The following ITFG1 variants were observed in gnomAD, a reference collection of about 807,000 sequenced individuals.
The protein encoded by ITFG1 is integrin alpha FG-GAP repeat containing 1, also known as T-cell immunomodulatory protein.
Under a neutral mutation model 81.8 loss-of-function variants are expected in ITFG1, and 34 were observed. The ratio of observed to expected loss-of-function variants is 0.42; its 90% CI spans 0.32 to 0.55. ITFG1 has a LOEUF of 0.55. ITFG1 is among the 20% of genes least tolerant of loss of function. ITFG1 has a pLI of 0.17. For synonymous variants in ITFG1, 285 were observed against 270.6 expected (o/e 1.05, Z -0.52); for missense variants, 672 against 755.4 (o/e 0.89, Z 1.29).
intron 8 of ITFG1, among the ~76,000 whole-genome samples, chr16:47,335,123 G>A (rs1179710054): frequency 6.6e-6 from 1 of 152,158 alleles, no homozygotes; most frequent in Non-Finnish European, 1.5e-5. Flanking sequence ...TTGGGAGGCC[G>A]AGGAGGGTGG....
intron 5 of ITFG1, among the ~76,000 whole-genome samples, chr16:47,447,170 T>C (rs1969334920): frequency 6.6e-6 from 1 of 152,182 alleles, no homozygotes; most frequent in Non-Finnish European, 1.5e-5. Context: ...CCCTAGCCTA[T>C]ACTAGTTTTA....
intron 10 of ITFG1, among the ~76,000 whole-genome samples, chr16:47,266,286 C>T (rs1310367630): frequency 4.6e-5 from 7 of 152,130 alleles, no homozygotes; most frequent in Non-Finnish European, 5.9e-5. Context: ...GGCACAATCT[C>T]GGCTCACTGC....
intron 14 of ITFG1, among the ~76,000 whole-genome samples, chr16:47,212,105 C>T (rs1965570341): frequency 6.6e-6 from 1 of 151,886 alleles, no homozygotes; most frequent in African/African-American, 2.4e-5. Context: ...GACTATCTGT[C>T]TACAGGGATT....
intron 5 of ITFG1, chr16:47,448,402 G>A (rs1969347790): frequency 6.6e-6 from 1 of 152,050 alleles, no homozygotes; most frequent in Non-Finnish European, 1.5e-5. Context: ...TGATAATGGA[G>A]GGGCAAAATC....
At chr16:47,341,256 A>AAAATAAATAAAT (rs111605574) in intron 8 of ITFG1, among the ~76,000 whole-genome samples, 23 of 150,712 alleles carry the variant, frequency 1.5e-4, no homozygotes, top group African/African-American at 4.9e-4. Context: ...CCATCTGTAA[A>AAAATAAATAAAT]AAATAAATAA....
chr16:47,221,177 G>C (rs1965686328), intron 13 of ITFG1, among the ~76,000 whole-genome samples: 1 of 152,106 alleles, frequency 6.6e-6, no homozygotes. Flanking sequence ...TCTTCTCAGG[G>C]TTTGTCTTTT....
At chr16:47,262,244 A>G (rs1386935600) in intron 10 of ITFG1, among the ~76,000 whole-genome samples, 2 of 152,198 alleles carry the variant, frequency 1.3e-5, no homozygotes, top group Non-Finnish European at 2.9e-5. Flanking sequence ...AGACCATAAC[A>G]TTTACTTGGA....
Position 47,337,185 on chromosome 16 carries a change from AGCTGATGAAT to A in ITFG1, c.803-23372_803-23363del, listed in dbSNP as rs1967717601. Among the ~76,000 whole-genome samples, 3 of 151,828 alleles carry A rather than the reference AGCTGATGAAT, an allele frequency of 2.0e-5. No individual in the cohort carries two copies. The South Asian group carries it at 6.3e-4, about 32-fold the overall frequency. ...GAAAAAAAAAGAAAGAAATTAGGAC[AGCTGATGAAT>A]GCTGAAGATATAGGTACTTGATATC... is the stretch of plus-strand genomic sequence containing the variant. On this transcript the variant is annotated intron_variant, in intron 8 of 17. Coordinates refer to ENST00000320640, the MANE Select transcript of ITFG1 (RefSeq NM_030790.5).
chr16:47,436,707 T>TA (rs986637361), intron 5 of ITFG1, among the ~76,000 whole-genome samples: 8 of 152,058 alleles, frequency 5.3e-5, no homozygotes, highest in African/African-American at 1.9e-4. Flanking sequence ...TAGTCAAATA[T>TA]AAAAAAATCA....
intron 6 of ITFG1, among the ~76,000 whole-genome samples, chr16:47,386,687 T>C (rs1331601447): frequency 1.3e-5 from 2 of 152,174 alleles, no homozygotes; most frequent in Non-Finnish European, 2.9e-5. Context: ...AGTGTTCTGA[T>C]CCTAAAGCAG....
chr16:47,186,137 G>C (rs1485421969), intron 14 of ITFG1, among the ~76,000 whole-genome samples: 2 of 151,830 alleles, frequency 1.3e-5, no homozygotes, highest in African/African-American at 4.8e-5. Flanking sequence ...CAACCAAAAA[G>C]AGTCCAGGAC....
intron 10 of ITFG1, among the ~76,000 whole-genome samples, chr16:47,271,846 G>A (rs1197628408): frequency 2.0e-5 from 3 of 151,982 alleles, no homozygotes; most frequent in Non-Finnish European, 4.4e-5. Flanking sequence ...GCGACAGAGC[G>A]AGATTCCATC....
Position 47,155,137 on chromosome 16 carries a change from G to A in ITFG1, c.*582C>T, listed in dbSNP as rs1480612272. ...AACAAGAAAACTGAGGTTTACAGAG[G>A]TTAAACAAGAGCCAAGTTCAAACAA... is the stretch of plus-strand genomic sequence containing the variant. On this transcript the variant is annotated 3_prime_UTR_variant, in exon 18 of 18. Transcript: ENST00000320640. 1 of 152,166 alleles carries A rather than the reference G, an allele frequency of 6.6e-6. No individual in the cohort carries two copies. Among genetic ancestry groups the A allele is most frequent in the Admixed American group, 6.5e-5 (1 of 15,274 alleles). 9.4% of individuals were successfully genotyped at this position (152,166 alleles called of 1,614,324 possible).
intron 12 of ITFG1, among the ~76,000 whole-genome samples, chr16:47,244,015 A>AG (rs1427515667): frequency 6.6e-6 from 1 of 152,198 alleles, no homozygotes; most frequent in Non-Finnish European, 1.5e-5. Flanking sequence ...TGGGCGATAA[A>AG]GGGAGACTCT....
chr16:47,219,558 A>AATTTAATTAT (rs1965665691), intron 13 of ITFG1, among the ~76,000 whole-genome samples: 2 of 152,212 alleles, frequency 1.3e-5, no homozygotes, highest in African/African-American at 4.8e-5. Flanking sequence ...ACCAAGGCTA[A>AATTTAATTAT]TTAAATAGAA....
chr16:47,273,677 C>A (rs1459594304), intron 10 of ITFG1, among the ~76,000 whole-genome samples: 3 of 152,040 alleles, frequency 2.0e-5, no homozygotes, highest in Non-Finnish European at 4.4e-5. Flanking sequence ...GAAAGGGAAA[C>A]CTAATGGAAT....
At chr16:47,449,078 T>G (rs892063070) in intron 5 of ITFG1, 2 of 152,236 alleles carry the variant, frequency 1.3e-5, no homozygotes, top group African/African-American at 2.4e-5. Flanking sequence ...AAACTGGTTG[T>G]GCTATCTCAG....
intron 2 of ITFG1, among the ~76,000 whole-genome samples, chr16:47,457,352 T>C (rs1009672236): frequency 2.0e-5 from 3 of 151,918 alleles, no homozygotes; most frequent in Non-Finnish European, 4.4e-5. Context: ...TACTGTACAT[T>C]ACTTGGTTCT....
At chr16:47,162,120 T>C (rs1049310063) in intron 15 of ITFG1, among the ~76,000 whole-genome samples, 6 of 152,100 alleles carry the variant, frequency 3.9e-5, no homozygotes, top group African/African-American at 1.2e-4. Context: ...TATGTACAAA[T>C]GCTGCTTGGA....
Sources: allele counts gnomAD v4.1 joint callset (sites outside exome capture counted in the v4.1 genomes callset), GRCh38; gene constraint gnomAD v4.1.1; transcripts MANE v1.5; gene names NCBI Gene and HGNC (gene_info 2026-07-23, HGNC 2026-07-21).